The following DPY19L3 variants were observed in gnomAD, a reference collection of about 807,000 sequenced individuals.
The protein encoded by DPY19L3 is dpy-19 like C-mannosyltransferase 3.
In DPY19L3, 51 loss-of-function variants were observed where a neutral mutation model predicts 92.3. The ratio of observed to expected loss-of-function variants is 0.55; its 90% confidence interval spans 0.44 to 0.70. The LOEUF is 0.70. DPY19L3 is among the 30% of genes least tolerant of loss of function. The pLI is 0.00. For missense variants in DPY19L3, 706 were observed against 855.9 expected (o/e 0.82, Z 2.18); for synonymous variants, 309 against 315.2 (o/e 0.98, Z 0.21).
intron 3 of DPY19L3, among the ~76,000 whole-genome samples, chr19:32,413,736 G>C (rs962702409): frequency 2.0e-5 from 3 of 151,866 alleles, no homozygotes; most frequent in Admixed American, 6.6e-5. Flanking sequence ...GGGAGGAGCG[G>C]GGGCGGGCAG....
chr19:32,423,575 A>C (rs1262597809), intron 3 of DPY19L3, among the ~76,000 whole-genome samples: 1 of 151,894 alleles, frequency 6.6e-6, no homozygotes, highest in African/African-American at 2.4e-5. Context: ...CATTACTTTT[A>C]AATGGCAAAA....
At position 32,467,493 on chromosome 19, in the gene DPY19L3, T is replaced by C. The variant is rs1029431559; in HGVS notation, c.1615-1238T>C. On this transcript the variant is annotated intron_variant, in intron 15 of 18. Transcript: ENST00000392250. ...AACTAGAACCAGAAGTCCTGACACC[T>C]GATTTCCCATCACTAGCAATTTTCC... The C allele has an allele frequency of 1.2e-5, 12 of 987,478 alleles. No individual in the cohort carries two copies. The Admixed American group carries it at 6.1e-4, about 51-fold the overall frequency. 61.2% of individuals were successfully genotyped at this position (987,478 alleles called of 1,614,324 possible). A position where few individuals can be genotyped will look rare whatever the true frequency, so the allele number is the denominator to read the frequency against.
At chr19:32,480,689 C>A in intron 18 of DPY19L3, 132 bp downstream of exon 18, 1 of 1,258,702 alleles carries the variant, frequency 7.9e-7, no homozygotes, top group Non-Finnish European at 1.1e-6. Context: ...TTTGCTTTTT[C>A]TCTTGCTTCC....
intron 17 of DPY19L3, among the ~76,000 whole-genome samples, chr19:32,478,304 C>T (rs980304522): frequency 3.3e-5 from 5 of 152,232 alleles, no homozygotes; most frequent in African/African-American, 7.2e-5. Flanking sequence ...AGGGAAGAAC[C>T]GAGAAGACAC....
At chr19:32,468,677 G>C in intron 15 of DPY19L3, 54 bp from the exon 16 acceptor site, 2 of 1,595,922 alleles carry the variant, frequency 1.3e-6, no homozygotes, top group Non-Finnish European at 8.5e-7. Flanking sequence ...CTTAGTGATA[G>C]TTGTGGGTGT....
At chr19:32,446,923 CATTCACAGA>C (rs879889485) in intron 8 of DPY19L3, among the ~76,000 whole-genome samples, 5 of 152,130 alleles carry the variant, frequency 3.3e-5, no homozygotes, top group Non-Finnish European at 5.9e-5. Flanking sequence ...TCTTTTCAAG[CATTCACAGA>C]ATACTTACCA....
intron 3 of DPY19L3, among the ~76,000 whole-genome samples, chr19:32,419,855 ATTTTTTT>A (rs1189166828): frequency 8.9e-6 from 1 of 111,864 alleles, no homozygotes; most frequent in Admixed American, 9.2e-5. Context: ...GCACTCCCCC[ATTTTTTT>A]TTTTTTTTTT....
At chr19:32,464,677 A>G in intron 14 of DPY19L3, 51 bp from the exon 15 acceptor site, 1 of 1,227,788 alleles carries the variant, frequency 8.1e-7, no homozygotes, top group Admixed American at 2.4e-5. Context: ...GTCTCTCAAA[A>G]AAGAAAAGGT....
rs1336912654 is a variant in DPY19L3, at chr19:32,464,794, AT to A, written c.1614+14del. 2.0e-6 allele frequency: 3 copies of A among 1,496,528 alleles called. No individual in the cohort carries two copies. Among genetic ancestry groups the A allele is most frequent in the East Asian group, 2.5e-5 (1 of 40,130 alleles). 92.7% of individuals were successfully genotyped at this position (1,496,528 alleles called of 1,614,324 possible). ...GTATCTATGCTATAAGGTAAGACTG[AT>A]TTTCCTCATTCTTGTCATTCATGTA... is the stretch of plus-strand genomic sequence containing the variant. On this transcript the variant is annotated intron_variant, in intron 15 of 18. Coordinates refer to ENST00000392250, the MANE Select transcript of DPY19L3 (RefSeq NM_001172774.2).
intron 3 of DPY19L3, among the ~76,000 whole-genome samples, chr19:32,418,918 T>C (rs533055321): frequency 6.6e-6 from 1 of 152,226 alleles, no homozygotes; most frequent in East Asian, 1.9e-4. Context: ...AACCCTGAAA[T>C]AGCAACTGGA....
intron 3 of DPY19L3, among the ~76,000 whole-genome samples, chr19:32,425,747 C>T (rs535159867): frequency 1.3e-5 from 2 of 151,856 alleles, no homozygotes; most frequent in African/African-American, 2.4e-5. Context: ...AATAGTAAAT[C>T]GTGCTGTCAA....
intron 3 of DPY19L3, among the ~76,000 whole-genome samples, chr19:32,424,359 A>C (rs1968685669): frequency 6.6e-6 from 1 of 151,272 alleles, no homozygotes; most frequent in Non-Finnish European, 1.5e-5. Flanking sequence ...AATGGATGGG[A>C]GTATCCTGAT....
chr19:32,425,257 A>C (rs531654840), intron 3 of DPY19L3, among the ~76,000 whole-genome samples: 33 of 152,218 alleles, frequency 2.2e-4, no homozygotes, highest in Admixed American at 1.6e-3. Flanking sequence ...TTGTACTCCA[A>C]AGTACACCAT....
chr19:32,426,279 A>G (rs1354856105), intron 3 of DPY19L3, among the ~76,000 whole-genome samples: 4 of 152,220 alleles, frequency 2.6e-5, no homozygotes, highest in Non-Finnish European at 5.9e-5. Context: ...AATGTTTTAG[A>G]TGATTTGATT....
intron 3 of DPY19L3, among the ~76,000 whole-genome samples, chr19:32,422,501 T>A (rs1968604815): frequency 1.3e-5 from 2 of 151,118 alleles, no homozygotes; most frequent in South Asian, 4.2e-4. Flanking sequence ...CTGAGAGAGG[T>A]CAACAAAATG....
chr19:32,473,983 G>A (rs1599675538), intron 16 of DPY19L3, among the ~76,000 whole-genome samples: 1 of 151,816 alleles, frequency 6.6e-6, no homozygotes, highest in African/African-American at 2.4e-5. Flanking sequence ...GTGTATTTTT[G>A]GTAGAGATGG....
intron 3 of DPY19L3, among the ~76,000 whole-genome samples, chr19:32,424,011 GA>G (rs112505140): frequency 4.8e-5 from 7 of 146,450 alleles, no homozygotes; most frequent in African/African-American, 7.5e-5. Context: ...AGACCATCTC[GA>G]AAAAAAAAAG....
Position 32,447,268 on chromosome 19 carries a change from C to T in DPY19L3, c.856-5877C>T, listed in dbSNP as rs1228079651. 2.6e-5 allele frequency among the ~76,000 whole-genome samples: 4 copies of T among 152,064 alleles called. No homozygotes were observed. In the East Asian group the frequency reaches 7.7e-4, roughly 29 times the overall value. ...AGTATTAAGAAGAAAATGTGTAGCACTAAAAAGCTTATATTAGAAAAGACA... is the reference window on the plus strand; with the variant it reads ...AGTATTAAGAAGAAAATGTGTAGCATTAAAAAGCTTATATTAGAAAAGACA... On this transcript the variant is annotated intron_variant, in intron 8 of 18. Coordinates refer to ENST00000392250, the MANE Select transcript of DPY19L3 (RefSeq NM_001172774.2).
intron 8 of DPY19L3, among the ~76,000 whole-genome samples, chr19:32,445,439 T>TAAAAAAA (rs1969461359): frequency 9.2e-4 from 2 of 2,172 alleles, no homozygotes; most frequent in Non-Finnish European, 1.4e-3. Context: ...AGACTTCATC[T>TAAAAAAA]CAAAAAAAAA....
Sources: allele counts gnomAD v4.1 joint callset (sites outside exome capture counted in the v4.1 genomes callset), GRCh38; gene constraint gnomAD v4.1.1; transcripts MANE v1.5; gene names NCBI Gene and HGNC (gene_info 2026-07-23, HGNC 2026-07-21).